Variants in COL21A1 observed in about 807,000 individuals in gnomAD.
The protein encoded by COL21A1 is collagen alpha-1(XXI) chain.
In COL21A1, 149 loss-of-function variants were observed where a neutral mutation model predicts 137.9. The ratio of observed to expected loss-of-function variants is 1.08; its 90% CI spans 0.95 to 1.24. COL21A1 has a LOEUF of 1.24. Among genes scored for constraint, COL21A1 ranks in the 50% most tolerant of loss-of-function variants. COL21A1 has a pLI of 0.00. For missense variants in COL21A1, 1,167 were observed against 1,158.4 expected, an observed-to-expected ratio of 1.01 and a Z score of -0.11; for synonymous variants, 456 against 391.5, an observed-to-expected ratio of 1.16 and a Z score of -1.95.
intron 7 of COL21A1, 109 bp downstream of exon 7, chr6:56,166,797 A>G (rs994519331): frequency 5.8e-6 from 5 of 856,044 alleles, no homozygotes; most frequent in African/African-American, 1.7e-5. Flanking sequence ...ATTAAAAAAT[A>G]AAATTAAGTC....
At chr6:56,393,298 C>T (rs767856995) in intron 1 of COL21A1, among the ~76,000 whole-genome samples, 1 of 152,122 alleles carries the variant, frequency 6.6e-6, no homozygotes, top group Non-Finnish European at 1.5e-5. Context: ...TATCTATGTG[C>T]AGAAGAATGA....
At chr6:56,231,368 G>A (rs1401751294) in intron 1 of COL21A1, among the ~76,000 whole-genome samples, 1 of 151,856 alleles carries the variant, frequency 6.6e-6, no homozygotes, top group Non-Finnish European at 1.5e-5. Flanking sequence ...TTTTTTAAAA[G>A]TGATGAGTCA....
chr6:56,266,361 T>C (rs1423530414), intron 1 of COL21A1, among the ~76,000 whole-genome samples: 2 of 152,234 alleles, frequency 1.3e-5, no homozygotes, highest in Non-Finnish European at 2.9e-5. Context: ...TAAATAAAGT[T>C]TCATTGGAAC....
Position 56,307,190 on chromosome 6 carries a change from A to G in COL21A1, c.-39+86781T>C, listed in dbSNP as rs557623791. Among the ~76,000 whole-genome samples, 571 of 152,326 alleles carry G rather than the reference A, an allele frequency of 3.7e-3. 3 individuals carry two copies. Among genetic ancestry groups the G allele is most frequent in the African/African-American group, 0.013 (543 of 41,570 alleles). On this transcript the variant is annotated intron_variant, in intron 1 of 28. Coordinates refer to the COL21A1 transcript ENST00000370819. ...GGGTCAGGGACCCACTTGAGGAGGC[A>G]GTCTGTCCGTTCTCAGATCTCCAGC...
chr6:56,178,708 T>A (rs1037160342), intron 3 of COL21A1, among the ~76,000 whole-genome samples: 2 of 152,072 alleles, frequency 1.3e-5, no homozygotes, highest in Non-Finnish European at 2.9e-5. Flanking sequence ...TATGCCCTAA[T>A]AGGATTAATA....
At chr6:56,363,753 T>G (rs1044241165) in intron 1 of COL21A1, among the ~76,000 whole-genome samples, 1 of 147,672 alleles carries the variant, frequency 6.8e-6, no homozygotes, top group Non-Finnish European at 1.5e-5. Flanking sequence ...CTCTGCCTGA[T>G]AAAATCTGAC....
chr6:56,223,050 A>C (rs1780950977), intron 1 of COL21A1, among the ~76,000 whole-genome samples: 1 of 152,066 alleles, frequency 6.6e-6, no homozygotes. Context: ...AACAAAAAAA[A>C]AAAAATTGGA....
chr6:56,160,032 A>G (rs931617909), intron 9 of COL21A1, among the ~76,000 whole-genome samples: 39 of 152,210 alleles, frequency 2.6e-4, no homozygotes, highest in African/African-American at 9.4e-4. Context: ...AATTTCTTGT[A>G]GGTTCTGCTA....
chr6:56,311,663 C>T (rs980643335), intron 1 of COL21A1, among the ~76,000 whole-genome samples: 1 of 152,064 alleles, frequency 6.6e-6, no homozygotes, highest in Non-Finnish European at 1.5e-5. Flanking sequence ...TAAATAGTTA[C>T]CCACAAGATG....
At chr6:56,226,454 A>G (rs751296853) in intron 1 of COL21A1, among the ~76,000 whole-genome samples, 2 of 152,074 alleles carry the variant, frequency 1.3e-5, no homozygotes, top group Admixed American at 6.6e-5. Context: ...AACATTTTTA[A>G]AAGCTTTATA....
intron 1 of COL21A1, among the ~76,000 whole-genome samples, chr6:56,351,427 C>A (rs1000498266): frequency 4.6e-5 from 7 of 152,184 alleles, no homozygotes; most frequent in Non-Finnish European, 8.8e-5. Flanking sequence ...CACACCAGCA[C>A]ATGAAGCTAA....
rs149935400 is a variant in COL21A1, at chr6:56,349,379, G to A, written c.-39+44592C>T. Among the ~76,000 whole-genome samples, 70 of 151,816 alleles carry A rather than the reference G, an allele frequency of 4.6e-4. No individual in the cohort carries two copies. In the East Asian group the frequency reaches 0.011, roughly 24 times the overall value. ...AAAAAAATTTAACCACATAGACTGA[G>A]ATGTTGAGTCATCATAAATCAAAAT... is the stretch of plus-strand genomic sequence containing the variant. On this transcript the variant is annotated intron_variant, in intron 1 of 28. Transcript: ENST00000370819.
At chr6:56,085,654 C>G (rs888138319) in intron 17 of COL21A1, among the ~76,000 whole-genome samples, 3 of 151,936 alleles carry the variant, frequency 2.0e-5, no homozygotes, top group African/African-American at 7.2e-5. Flanking sequence ...GTTTCAAAGT[C>G]TCTATATCAG....
In COL21A1 at chr6:56,265,104, G is replaced by A. The variant is rs138749179; in HGVS notation, c.-38-82448C>T. 3.6e-3 allele frequency among the ~76,000 whole-genome samples: 541 copies of A among 152,326 alleles called. 6 individuals are homozygous for A. The highest frequency in any genetic ancestry group is 0.012 in the African/African-American group (517 of 41,570). The stretch of plus-strand genomic sequence containing the variant: ...CACTGTGCTTATTTGAGCAGGAGGA[G>A]AGGACAGTTGAAAGGAGATGGCAAG... On this transcript the variant is annotated intron_variant, in intron 1 of 28. Coordinates refer to the COL21A1 transcript ENST00000370819.
chr6:56,267,015 A>G (rs1175295807), intron 1 of COL21A1, among the ~76,000 whole-genome samples: 4 of 152,182 alleles, frequency 2.6e-5, no homozygotes, highest in African/African-American at 9.7e-5. Context: ...GGAAGAGACA[A>G]TGAGCATCCT....
chr6:56,336,567 G>C (rs1002434150), intron 1 of COL21A1, among the ~76,000 whole-genome samples: 6 of 152,174 alleles, frequency 3.9e-5, no homozygotes, highest in Non-Finnish European at 7.3e-5. Flanking sequence ...AAACCACCAA[G>C]ATTAACTATT....
intron 1 of COL21A1, among the ~76,000 whole-genome samples, chr6:56,361,103 A>C (rs1213536259): frequency 6.6e-6 from 1 of 152,026 alleles, no homozygotes; most frequent in Non-Finnish European, 1.5e-5. Flanking sequence ...CAATCAATCA[A>C]TCAATCAATA....
At chr6:56,112,680 C>CTTTTTTTTT (rs777172358) in intron 16 of COL21A1, among the ~76,000 whole-genome samples, 1 of 129,676 alleles carries the variant, frequency 7.7e-6, no homozygotes, top group Non-Finnish European at 1.7e-5. Context: ...TTTTTCTTTT[C>CTTTTTTTTT]TTTTTTCTTT....
rs146526554 is a variant in COL21A1 at position 56,095,975 on chromosome 6, T to C, written c.1812+5497A>G. On this transcript the variant is annotated intron_variant, in intron 17 of 29. Transcript: ENST00000244728. Reference sequence around the variant, plus strand: ...AATTCTCCTGCCACAGCCTCCCGAGTAGGTGGGATTACAGGCGCCCACCAC... The same window carrying C: ...AATTCTCCTGCCACAGCCTCCCGAGCAGGTGGGATTACAGGCGCCCACCAC... Among the ~76,000 whole-genome samples, 214 of 152,012 alleles carry C rather than the reference T, an allele frequency of 1.4e-3. 1 individual carries two copies. The highest frequency in any genetic ancestry group is 5.0e-3 in the African/African-American group (209 of 41,466).
Sources: allele counts gnomAD v4.1 joint callset (sites outside exome capture counted in the v4.1 genomes callset), GRCh38; gene constraint gnomAD v4.1.1; transcripts MANE v1.5; gene names NCBI Gene and HGNC (gene_info 2026-07-23, HGNC 2026-07-21).